The following EXOC4 variants were observed in gnomAD, a reference collection of about 807,000 sequenced individuals.
EXOC4 encodes SEC8-like 1.
In EXOC4, 71 loss-of-function variants were observed where a neutral mutation model predicts 107.2. The observed-to-expected ratio is 0.66, with a 90% CI of 0.55 to 0.81. EXOC4 has a LOEUF of 0.81. Among genes scored for constraint, EXOC4 ranks in the 30% least tolerant of loss-of-function variants. EXOC4 has a pLI of 0.00. For synonymous variants in EXOC4, 456 were observed against 441.2 expected (o/e 1.03, Z -0.42); for missense variants, 1,108 against 1,189.6 (o/e 0.93, Z 1.01).
intron 11 of EXOC4, among the ~76,000 whole-genome samples, chr7:133,831,903 T>C (rs900219131): frequency 2.0e-5 from 3 of 152,216 alleles, no homozygotes; most frequent in African/African-American, 7.2e-5. Flanking sequence ...AACACTAATC[T>C]ATAACTACAT....
At chr7:133,895,576 C>G (rs1799287564) in intron 11 of EXOC4, 23 bp from the exon 12 acceptor site, 2 of 1,610,870 alleles carry the variant, frequency 1.2e-6, no homozygotes, top group Non-Finnish European at 8.5e-7. Flanking sequence ...ATCTCATATC[C>G]TCTCTTTGTT....
chr7:134,021,073 G>A (rs76710445), intron 17 of EXOC4, among the ~76,000 whole-genome samples: 2,385 of 152,130 alleles, frequency 0.016, 27 homozygotes, highest in Non-Finnish European at 0.025. Flanking sequence ...ATGACATAAA[G>A]CCAGAGAGCG....
intron 10 of EXOC4, among the ~76,000 whole-genome samples, chr7:133,772,529 A>C (rs201984827): frequency 1.4e-3 from 3 of 2,172 alleles, no homozygotes; most frequent in Admixed American, 0.028. Flanking sequence ...TAAAGTATAA[A>C]AAAAAAAAAA....
At chr7:133,587,529 A>G (rs1801434795) in intron 9 of EXOC4, among the ~76,000 whole-genome samples, 1 of 152,184 alleles carries the variant, frequency 6.6e-6, no homozygotes, top group South Asian at 2.1e-4. Context: ...TTAGCAGCCA[A>G]TTTTATTCAC....
chr7:133,986,598 A>G (rs900219126), intron 14 of EXOC4, among the ~76,000 whole-genome samples: 1 of 152,344 alleles, frequency 6.6e-6, no homozygotes, highest in Non-Finnish European at 1.5e-5. Flanking sequence ...ATAAGCTGGT[A>G]TGTACTTTAG....
intron 10 of EXOC4, among the ~76,000 whole-genome samples, chr7:133,812,693 G>A (rs1169541352): frequency 6.6e-6 from 1 of 151,974 alleles, no homozygotes; most frequent in Non-Finnish European, 1.5e-5. Context: ...GTTGTGGGAT[G>A]GCTACATTGA....
At chr7:133,967,201 T>C (rs1801091078) in intron 14 of EXOC4, among the ~76,000 whole-genome samples, 1 of 152,214 alleles carries the variant, frequency 6.6e-6, no homozygotes, top group Non-Finnish European at 1.5e-5. Flanking sequence ...TTGCATCTAT[T>C]TGATTCTTCT....
At chr7:133,817,661 A>AGTGGTTTTCTTTTGG (rs1797405692) in intron 11 of EXOC4, 117 bp downstream of exon 11, 29 of 710,586 alleles carry the variant, frequency 4.1e-5, no homozygotes, top group Non-Finnish European at 6.2e-5. Context: ...GGGACAAAAC[A>AGTGGTTTTCTTTTGG]AAAGAAAATA....
intron 12 of EXOC4, among the ~76,000 whole-genome samples, chr7:133,901,914 A>G (rs1291322768): frequency 1.3e-5 from 2 of 152,188 alleles, no homozygotes; most frequent in South Asian, 2.1e-4. Context: ...ACTTCTCCCA[A>G]CTGAAGCATT....
chr7:133,662,423 A>G (rs1304261415), intron 10 of EXOC4, among the ~76,000 whole-genome samples: 1 of 152,152 alleles, frequency 6.6e-6, no homozygotes, highest in African/African-American at 2.4e-5. Flanking sequence ...TGGGAGGGAA[A>G]TTATCAGATA....
At chr7:133,458,150 A>G (rs1340554812) in intron 7 of EXOC4, among the ~76,000 whole-genome samples, 2 of 152,184 alleles carry the variant, frequency 1.3e-5, no homozygotes, top group South Asian at 2.1e-4. Context: ...CTAGACCACT[A>G]CGCAGCTATT....
intron 16 of EXOC4, among the ~76,000 whole-genome samples, chr7:134,007,258 C>T (rs543144830): frequency 6.6e-6 from 1 of 152,292 alleles, no homozygotes; most frequent in South Asian, 2.1e-4. Flanking sequence ...TCCTTCTCTA[C>T]TTTGTAGGAG....
intron 5 of EXOC4, among the ~76,000 whole-genome samples, chr7:133,355,841 C>A (rs1796008496): frequency 1.3e-5 from 2 of 152,210 alleles, no homozygotes; most frequent in South Asian, 4.1e-4. Flanking sequence ...TTCCCTTAAT[C>A]TTTTTAAAAA....
chr7:134,098,571 C>G, the EXOC4 span, among the ~76,000 whole-genome samples: 1 of 152,098 alleles, frequency 6.6e-6, no homozygotes, highest in Non-Finnish European at 1.5e-5. Context: ...GGGGTGGGGA[C>G]AGCTGAGAAC....
intron 7 of EXOC4, among the ~76,000 whole-genome samples, chr7:133,379,662 C>T (rs1796570404): frequency 6.6e-6 from 1 of 152,006 alleles, no homozygotes; most frequent in Admixed American, 6.6e-5. Context: ...TATGACCCCC[C>T]CCCATCTTTG....
chr7:133,789,959 A>C (rs576577090), intron 10 of EXOC4, among the ~76,000 whole-genome samples: 1 of 152,232 alleles, frequency 6.6e-6, no homozygotes, highest in African/African-American at 2.4e-5. Flanking sequence ...GGATAGGGAG[A>C]TCTTCAACCT....
At chr7:134,008,817 G>A (rs1794704239) in intron 17 of EXOC4, among the ~76,000 whole-genome samples, 1 of 151,804 alleles carries the variant, frequency 6.6e-6, no homozygotes, top group African/African-American at 2.4e-5. Flanking sequence ...TTTTTATAGA[G>A]ACAGGGTCTC....
intron 10 of EXOC4, among the ~76,000 whole-genome samples, chr7:133,741,036 T>A (rs548211028): frequency 6.6e-6 from 1 of 152,232 alleles, no homozygotes; most frequent in Non-Finnish European, 1.5e-5. Flanking sequence ...GGGTAAATAC[T>A]GGAGCTAGAA....
downstream of EXOC4, among the ~76,000 whole-genome samples, chr7:134,071,021 A>G (rs1216446097): frequency 6.6e-6 from 1 of 152,216 alleles, no homozygotes; most frequent in Non-Finnish European, 1.5e-5. Context: ...GGAAACCATT[A>G]GTAGCTGGTT....
Sources: gnomAD v4.1 joint callset for allele counts (sites outside exome capture counted in the v4.1 genomes callset) on GRCh38, gnomAD v4.1.1 for gene constraint, MANE v1.5 for transcripts, NCBI Gene and HGNC (gene_info 2026-07-23, HGNC 2026-07-21) for gene names.